The following BICRA variants were observed in gnomAD, a reference collection of about 807,000 sequenced individuals.
BICRA encodes BRD4 interacting chromatin remodeling complex associated protein, also known as BRD4-interacting chromatin-remodeling complex-associated protein.
A neutral mutation model predicts 96.9 loss-of-function variants in BICRA; 31 were observed. The ratio of observed to expected loss-of-function variants is 0.32; its 90% CI spans 0.24 to 0.43. The LOEUF is 0.43. Ranked by LOEUF, BICRA falls within the 20% of genes least tolerant of loss-of-function variation. The pLI is 1.00. For synonymous variants in BICRA, 1,350 were observed against 1,071.8 expected, an observed-to-expected ratio of 1.26 and a Z score of -5.07; for missense variants, 2,283 against 2,190.3, an observed-to-expected ratio of 1.04 and a Z score of -0.84.
At chr19:47,628,859 C>T (rs941490909) in intron 1 of BICRA, among the ~76,000 whole-genome samples, 4 of 152,104 alleles carry the variant, frequency 2.6e-5, no homozygotes, top group South Asian at 4.1e-4. Context: ...CCTCCTGCCT[C>T]GGCCTCCCAA....
Position 47,680,815 on chromosome 19 carries a change from G to T in BICRA, c.1645G>T (p.Val549Leu). The stretch of plus-strand genomic sequence containing the variant: ...CATCCTCTCCGCCGCTCCCATCCAG[G>T]TGGGCCAGCCTGCGCTCTTCCAGAT... ...AHILSAAPIQ[V>L]GQPALFQMPV... The change falls in exon 6 of 15, where the codon GTG becomes TTG. Residue 549 changes from valine (V) to leucine (L), a missense_variant. Transcript: ENST00000594866. 2 of 1,606,706 alleles carry T rather than the reference G, an allele frequency of 1.2e-6. No individual in the cohort carries two copies. Among genetic ancestry groups the T allele is most frequent in the Non-Finnish European group, 1.7e-6 (2 of 1,178,640 alleles).
chr19:47,632,411 C>T (rs369904509), intron 1 of BICRA, among the ~76,000 whole-genome samples: 24 of 152,294 alleles, frequency 1.6e-4, no homozygotes, highest in African/African-American at 5.1e-4. Flanking sequence ...CGAGTCCTAC[C>T]TCCGATCTCA....
chr19:47,623,838 C>T (rs1176094715), intron 1 of BICRA, among the ~76,000 whole-genome samples: 3 of 147,190 alleles, frequency 2.0e-5, no homozygotes, highest in Non-Finnish European at 3.0e-5. Context: ...TGTTCTTTCT[C>T]TCTCTCTCTT....
intron 1 of BICRA, among the ~76,000 whole-genome samples, chr19:47,611,393 A>G (rs888626136): frequency 2.0e-5 from 3 of 152,050 alleles, no homozygotes; most frequent in African/African-American, 7.2e-5. Flanking sequence ...TGAGAACTGA[A>G]GGTGTGTGAG....
intron 1 of BICRA, among the ~76,000 whole-genome samples, chr19:47,614,634 A>G (rs1326309109): frequency 1.3e-5 from 2 of 152,202 alleles, no homozygotes; most frequent in Non-Finnish European, 2.9e-5. Context: ...AAAACAAACA[A>G]ACAGACAAAC....
intron 1 of BICRA, among the ~76,000 whole-genome samples, chr19:47,639,897 G>A (rs1164284650): frequency 9.2e-5 from 14 of 151,880 alleles, no homozygotes; most frequent in African/African-American, 2.9e-4. Context: ...TCCCACCTGG[G>A]CCTCCCAAAG....
chr19:47,641,745 A>T (rs1397698161), intron 1 of BICRA, among the ~76,000 whole-genome samples: 1 of 152,206 alleles, frequency 6.6e-6, no homozygotes, highest in African/African-American at 2.4e-5. Flanking sequence ...TGCCATTGGA[A>T]TTTTGATAGT....
In BICRA at chr19:47,702,003, C is replaced by T. The variant is rs1196952719; in HGVS notation, c.4271C>T (p.Ala1424Val). The change falls in exon 15 of 15, where the codon GCC (alanine) becomes GTC (valine). Residue 1424 changes from alanine (A) to valine (V), a missense_variant. Coordinates refer to ENST00000594866, the MANE Select transcript of BICRA (RefSeq NM_001394372.1). ...CCGCTGCCCGCCAAAGTGGACGAGGCCACCAGCGGGCTCATCCGCGAGCTG... is the reference window on the plus strand; with the variant it reads ...CCGCTGCCCGCCAAAGTGGACGAGGTCACCAGCGGGCTCATCCGCGAGCTG... ...PAPLPAKVDE[A>V]TSGLIRELAA... The T allele has an allele frequency of 5.4e-6, 8 of 1,486,772 alleles. No homozygotes were observed. The African/African-American group carries it at 1.2e-4, about 22-fold the overall frequency. 92.1% of individuals were successfully genotyped at this position (1,486,772 alleles called of 1,614,324 possible). A position where few individuals can be genotyped will look rare whatever the true frequency, so the allele number is the denominator to read the frequency against.
At chr19:47,639,277 C>T (rs1337662333) in intron 1 of BICRA, among the ~76,000 whole-genome samples, 1 of 143,078 alleles carries the variant, frequency 7.0e-6, no homozygotes, top group South Asian at 2.2e-4. Flanking sequence ...CAAAGTGCTG[C>T]GATTATAAGT....
At chr19:47,619,965 C>CTCCCAGAAG (rs1972041114) in intron 1 of BICRA, among the ~76,000 whole-genome samples, 1 of 152,182 alleles carries the variant, frequency 6.6e-6, no homozygotes, top group Non-Finnish European at 1.5e-5. Context: ...TCAGTACCTG[C>CTCCCAGAAG]TCCCAGAAGC....
chr19:47,610,535 T>A (rs1203158585), intron 1 of BICRA, among the ~76,000 whole-genome samples: 1 of 151,904 alleles, frequency 6.6e-6, no homozygotes, highest in Non-Finnish European at 1.5e-5. Flanking sequence ...AGGTCCTAGC[T>A]CTCTGGTGTC....
chr19:47,685,216 G>T (rs181245086), intron 7 of BICRA, among the ~76,000 whole-genome samples: 23 of 151,912 alleles, frequency 1.5e-4, no homozygotes, highest in Middle Eastern at 3.4e-3. Context: ...CGAACTCCTA[G>T]GCTTAGTAAT....
intron 1 of BICRA, among the ~76,000 whole-genome samples, chr19:47,653,015 CTTTTTTTTTTTT>C (rs869230602): frequency 1.8e-5 from 2 of 113,726 alleles, no homozygotes; most frequent in South Asian, 2.9e-4. Context: ...CGTCCTCATT[CTTTTTTTTTTTT>C]TTTTTTTTTT....
chr19:47,648,775 T>C (rs4801728), intron 1 of BICRA, among the ~76,000 whole-genome samples: 70,602 of 150,026 alleles, frequency 0.47, 17,301 homozygotes, highest in East Asian at 0.77. Flanking sequence ...GCCTCCTGAG[T>C]TCAAGTGAGC....
Position 47,694,234 on chromosome 19 carries a change from C to G in BICRA, c.2403C>G (p.Ser801=). ...CCCCACACCCCACCCGGCCCCCTTC[C>G]CGCCCACCCTCCCGGCCACAGAGTG... ...LPSPHPTRPP[S]RPPSRPQSVS... is the part of the protein sequence containing the mutation. Residue 801 remains serine, a synonymous_variant, in exon 8 of 15, where the codon TCC becomes TCG. Transcript: ENST00000594866. 1 of 622,242 alleles carries G rather than the reference C, an allele frequency of 1.6e-6. No individual in the cohort carries two copies. Among genetic ancestry groups the G allele is most frequent in the Non-Finnish European group, 2.3e-6 (1 of 430,510 alleles). 38.5% of individuals were successfully genotyped at this position (622,242 alleles called of 1,614,324 possible). A position where few individuals can be genotyped will look rare whatever the true frequency, so the allele number is the denominator to read the frequency against.
intron 1 of BICRA, among the ~76,000 whole-genome samples, chr19:47,609,740 C>T (rs1044333356): frequency 6.6e-5 from 10 of 152,094 alleles, no homozygotes; most frequent in Non-Finnish European, 1.2e-4. Flanking sequence ...CTCGCTCGGC[C>T]CCTGCGCCCC....
chr19:47,650,377 C>T (rs531522527), intron 1 of BICRA, among the ~76,000 whole-genome samples: 109 of 152,264 alleles, frequency 7.2e-4, no homozygotes, highest in Non-Finnish European at 1.3e-3. Flanking sequence ...GTGATCCTCC[C>T]GCCTTGGCCT....
intron 11 of BICRA, among the ~76,000 whole-genome samples, chr19:47,697,154 C>G (rs1213534237): frequency 6.6e-6 from 1 of 152,026 alleles, no homozygotes; most frequent in Non-Finnish European, 1.5e-5. Context: ...CCACAGGCGT[C>G]TGCCACCATG....
At chr19:47,665,996 T>G (rs1318484841) in intron 1 of BICRA, among the ~76,000 whole-genome samples, 10 of 152,204 alleles carry the variant, frequency 6.6e-5, no homozygotes, top group Admixed American at 6.5e-4. Context: ...TTAGATAGCA[T>G]CAACAGTGGC....
Sources: allele counts gnomAD v4.1 joint callset (sites outside exome capture counted in the v4.1 genomes callset), GRCh38; gene constraint gnomAD v4.1.1; transcripts MANE v1.5; gene names NCBI Gene and HGNC (gene_info 2026-07-23, HGNC 2026-07-21).